Variants in SLC35D2 observed in about 807,000 individuals in gnomAD.
SLC35D2 encodes the protein nucleotide sugar transporter SLC35D2.
SLC35D2 carries 43 observed loss-of-function variants against 41.8 expected under a neutral mutation model. The ratio of observed to expected loss-of-function variants is 1.03; its 90% CI spans 0.81 to 1.33. The LOEUF is 1.33. Among genes scored for constraint, SLC35D2 ranks in the 40% most tolerant of loss-of-function variants. The pLI is 0.00. For missense variants in SLC35D2, 380 were observed against 408.4 expected, an observed-to-expected ratio of 0.93 and a Z score of 0.60; for synonymous variants, 150 against 163.9, an observed-to-expected ratio of 0.92 and a Z score of 0.65.
At chr9:96,366,193 T>C (rs948607192) in intron 2 of SLC35D2, among the ~76,000 whole-genome samples, 2 of 151,176 alleles carry the variant, frequency 1.3e-5, no homozygotes, top group African/African-American at 4.9e-5. Flanking sequence ...TCCCAGCTAC[T>C]TGAAAGGCTG....
intron 11 of SLC35D2, among the ~76,000 whole-genome samples, chr9:96,321,792 C>T (rs1460693183): frequency 6.6e-6 from 1 of 152,134 alleles, no homozygotes; most frequent in African/African-American, 2.4e-5. Context: ...ATCCCAGCCC[C>T]GCAAACTGCC....
chr9:96,381,064 CT>C (rs1442964243), intron 1 of SLC35D2, among the ~76,000 whole-genome samples: 2 of 152,372 alleles, frequency 1.3e-5, no homozygotes, highest in South Asian at 2.1e-4. Flanking sequence ...CTTCCAGCCC[CT>C]CTCCCTGATG....
chr9:96,339,845 A>C (rs1295804161), intron 8 of SLC35D2, among the ~76,000 whole-genome samples: 12 of 152,188 alleles, frequency 7.9e-5, no homozygotes, highest in Admixed American at 7.2e-4. Context: ...AGATCTATTG[A>C]CTGTGTAAGT....
chr9:96,325,172 C>G (rs1388286297), intron 9 of SLC35D2, among the ~76,000 whole-genome samples: 2 of 152,094 alleles, frequency 1.3e-5, no homozygotes, highest in Admixed American at 1.3e-4. Flanking sequence ...TGGATGAGCG[C>G]CAGACAAGAA....
intron 1 of SLC35D2, among the ~76,000 whole-genome samples, chr9:96,368,733 CCTCT>C (rs34787105): frequency 1.7e-3 from 244 of 143,336 alleles, no homozygotes; most frequent in African/African-American, 5.5e-3. Context: ...TATTATACTC[CCTCT>C]CTCTCTCTCT....
intron 4 of SLC35D2, among the ~76,000 whole-genome samples, chr9:96,358,898 T>C (rs1830149757): frequency 6.6e-6 from 1 of 151,856 alleles, no homozygotes; most frequent in South Asian, 2.1e-4. Flanking sequence ...GGAGAATCGC[T>C]TGAACCCAAG....
At chr9:96,319,515 GT>G (rs1230379182), downstream of SLC35D2, among the ~76,000 whole-genome samples, 21 of 143,702 alleles carry the variant, frequency 1.5e-4, no homozygotes, top group Non-Finnish European at 3.1e-4. Context: ...TAAAAAAAAA[GT>G]TTTTTTTGAG....
intron 8 of SLC35D2, 105 bp from the exon 9 acceptor site, chr9:96,336,889 C>A: frequency 1.5e-6 from 1 of 679,300 alleles, no homozygotes; most frequent in Non-Finnish European, 2.5e-6. Flanking sequence ...TCTTCCCAAA[C>A]AGAAAACATA....
chr9:96,331,135 T>G (rs573013552), intron 9 of SLC35D2, among the ~76,000 whole-genome samples: 127 of 152,314 alleles, frequency 8.3e-4, no homozygotes, highest in Non-Finnish European at 1.5e-3. Flanking sequence ...TGACCTCAAG[T>G]GATCTGCCCA....
chr9:96,377,688 G>T (rs572225171), intron 1 of SLC35D2, among the ~76,000 whole-genome samples: 1 of 152,332 alleles, frequency 6.6e-6, no homozygotes, highest in Admixed American at 6.5e-5. Context: ...GGGAAGCAAG[G>T]TTCAGGAGAG....
At chr9:96,363,559 G>A (rs570037655) in intron 3 of SLC35D2, among the ~76,000 whole-genome samples, 1 of 152,252 alleles carries the variant, frequency 6.6e-6, no homozygotes, top group South Asian at 2.1e-4. Context: ...TTCAACAAAC[G>A]TTAGTTCCAT....
chr9:96,368,338 G>A, intron 1 of SLC35D2, 33 bp from the exon 2 acceptor site: 1 of 1,576,924 alleles, frequency 6.3e-7, no homozygotes. Flanking sequence ...AATCAGTTGA[G>A]CAAATATAAA....
At chr9:96,327,499 G>A (rs1404286719) in intron 9 of SLC35D2, among the ~76,000 whole-genome samples, 2 of 152,160 alleles carry the variant, frequency 1.3e-5, no homozygotes. Flanking sequence ...TCACCAGCTG[G>A]GCTGAGCCAA....
chr9:96,373,666 G>A (rs1207617596), intron 1 of SLC35D2, among the ~76,000 whole-genome samples: 1 of 143,752 alleles, frequency 7.0e-6, no homozygotes, highest in Non-Finnish European at 1.5e-5. Context: ...CAGCCTGGCC[G>A]ACAAGAGCAA....
At chr9:96,349,132 T>C (rs1050474771) in intron 6 of SLC35D2, among the ~76,000 whole-genome samples, 4 of 152,162 alleles carry the variant, frequency 2.6e-5, no homozygotes, top group African/African-American at 9.7e-5. Context: ...GAAGAGGCTT[T>C]TCTTGGATAC....
intron 9 of SLC35D2, among the ~76,000 whole-genome samples, chr9:96,333,470 C>T (rs960743326): frequency 6.6e-5 from 10 of 151,748 alleles, no homozygotes; most frequent in Admixed American, 6.6e-4. Flanking sequence ...TGGCGGGCGC[C>T]TGTAGTCCCA....
intron 9 of SLC35D2, among the ~76,000 whole-genome samples, chr9:96,333,934 AT>A (rs879768008): frequency 6.6e-6 from 1 of 152,046 alleles, no homozygotes; most frequent in Non-Finnish European, 1.5e-5. Flanking sequence ...TTGACTTCTT[AT>A]TTTTCGATTA....
At chr9:96,323,791 TGGCA>T (rs1445799301) in intron 10 of SLC35D2, among the ~76,000 whole-genome samples, 1 of 151,938 alleles carries the variant, frequency 6.6e-6, no homozygotes, top group Non-Finnish European at 1.5e-5. Context: ...CCGGGTGTGG[TGGCA>T]GGCGCCTGTA....
At chr9:96,367,686 C>A (rs557964611) in intron 2 of SLC35D2, among the ~76,000 whole-genome samples, 34 of 151,836 alleles carry the variant, frequency 2.2e-4, no homozygotes, top group African/African-American at 8.0e-4. Context: ...GGAGGCTGAG[C>A]TGGAAGAATT....
Sources: gnomAD v4.1 joint callset for allele counts (sites outside exome capture counted in the v4.1 genomes callset) on GRCh38, gnomAD v4.1.1 for gene constraint, MANE v1.5 for transcripts, NCBI Gene and HGNC (gene_info 2026-07-23, HGNC 2026-07-21) for gene names.